MICAL2: variants seen among roughly 807,000 people sequenced by gnomAD.
MICAL2 encodes microtubule associated monooxygenase, calponin and LIM domain containing 2.
In MICAL2, 77 loss-of-function variants were observed where a neutral mutation model predicts 127.3. The ratio of observed to expected loss-of-function variants is 0.60; its 90% CI spans 0.50 to 0.73. The LOEUF (loss-of-function observed/expected upper bound fraction) is 0.73, where lower values mean the gene tolerates loss of function less well. Ranked by LOEUF, MICAL2 falls within the 30% of genes least tolerant of loss-of-function variation. MICAL2 has a pLI of 0.00. For synonymous variants in MICAL2, 570 were observed against 551.1 expected, an observed-to-expected ratio of 1.03 and a Z score of -0.48; for missense variants, 1,351 against 1,434.4, an observed-to-expected ratio of 0.94 and a Z score of 0.94.
intron 32 of MICAL2, among the ~76,000 whole-genome samples, chr11:12,327,988 C>T (rs561731746): frequency 6.6e-6 from 1 of 152,294 alleles, no homozygotes; most frequent in African/African-American, 2.4e-5. Flanking sequence ...ATTTTCTCAT[C>T]TAAAATGGGG....
chr11:12,124,958 G>GTT (rs1850795721), intron 1 of MICAL2, among the ~76,000 whole-genome samples: 1 of 152,192 alleles, frequency 6.6e-6, no homozygotes, highest in Non-Finnish European at 1.5e-5. Context: ...TTCCACCATT[G>GTT]TTGTGGGAAT....
At chr11:12,179,841 G>GA (rs1214473247) in intron 3 of MICAL2, among the ~76,000 whole-genome samples, 4 of 152,372 alleles carry the variant, frequency 2.6e-5, no homozygotes, top group African/African-American at 9.6e-5. Flanking sequence ...AGCCTTTTCA[G>GA]AAAATCTAGC....
At chr11:12,256,692 A>G (rs1183509749) in intron 23 of MICAL2, 93 bp from the exon 24 acceptor site, 5 of 1,232,294 alleles carry the variant, frequency 4.1e-6, no homozygotes, top group African/African-American at 1.5e-5. Context: ...CGAGGTCCCC[A>G]GCATTCAGTG....
chr11:12,220,531 T>G (rs553693163), intron 9 of MICAL2, 73 bp downstream of exon 9: 526 of 1,552,586 alleles, frequency 3.4e-4, no homozygotes, highest in African/African-American at 2.1e-3. Flanking sequence ...GCAGGCAGTA[T>G]CTGCTGTTGT....
intron 6 of MICAL2, among the ~76,000 whole-genome samples, chr11:12,211,303 C>T (rs942377601): frequency 1.3e-5 from 2 of 152,132 alleles, no homozygotes; most frequent in Admixed American, 6.5e-5. Flanking sequence ...ATTGCTTGAA[C>T]ACAGGAGGTG....
intron 8 of MICAL2, among the ~76,000 whole-genome samples, chr11:12,217,193 G>A (rs553027589): frequency 3.9e-5 from 6 of 152,288 alleles, no homozygotes; most frequent in African/African-American, 1.4e-4. Flanking sequence ...GGATCACACT[G>A]CCCAAGTTCA....
chr11:12,331,955 C>T (rs547236924), intron 32 of MICAL2, among the ~76,000 whole-genome samples: 58 of 152,244 alleles, frequency 3.8e-4, no homozygotes, highest in African/African-American at 1.4e-3. Context: ...ACTATACTCC[C>T]TACAAGAGAT....
intron 2 of MICAL2, 52 bp from the exon 3 acceptor site, chr11:12,162,027 C>A: frequency 1.6e-6 from 2 of 1,279,770 alleles, no homozygotes. Context: ...ACCCATCCCC[C>A]ACCCTAACCT....
chr11:12,254,961 C>T (rs1862130032), intron 22 of MICAL2: 1 of 114,492 alleles, frequency 8.7e-6, no homozygotes, highest in Non-Finnish European at 1.7e-5. Context: ...TCTTGTTGCT[C>T]AGGCTGGAGT....
intron 3 of MICAL2, among the ~76,000 whole-genome samples, chr11:12,189,937 C>G (rs1858865251): frequency 6.6e-6 from 1 of 152,254 alleles, no homozygotes; most frequent in Non-Finnish European, 1.5e-5. Flanking sequence ...TTGTGGGCAT[C>G]TATCATACAG....
chr11:12,199,605 G>T (rs1336934668), intron 3 of MICAL2, among the ~76,000 whole-genome samples: 2 of 152,168 alleles, frequency 1.3e-5, no homozygotes, highest in Non-Finnish European at 2.9e-5. Flanking sequence ...GCTGGTGAGA[G>T]GGGCGGCTGG....
chr11:12,258,854 A>G (rs1399707938), intron 25 of MICAL2, among the ~76,000 whole-genome samples: 4 of 152,234 alleles, frequency 2.6e-5, no homozygotes, highest in African/African-American at 4.8e-5. Flanking sequence ...TTAGCCACAC[A>G]AAAGCCACAT....
chr11:12,284,006 A>C (rs956523939), intron 2 of MICAL2, among the ~76,000 whole-genome samples: 10 of 152,070 alleles, frequency 6.6e-5, no homozygotes, highest in African/African-American at 2.4e-4. Flanking sequence ...AAGCATCCCC[A>C]GGGGCTTTGA....
chr11:12,360,459 A>G (rs1463578071), downstream of MICAL2, among the ~76,000 whole-genome samples: 2 of 152,160 alleles, frequency 1.3e-5, no homozygotes, highest in Non-Finnish European at 2.9e-5. Context: ...CAAGAATATC[A>G]ACTCATTATA....
At chr11:12,300,995 G>T (rs938247799) in intron 29 of MICAL2, among the ~76,000 whole-genome samples, 1 of 152,176 alleles carries the variant, frequency 6.6e-6, no homozygotes, top group Non-Finnish European at 1.5e-5. Flanking sequence ...AGAAAATGAG[G>T]TTTAATTGGA....
chr11:12,115,745 A>T (rs951111695), intron 1 of MICAL2, among the ~76,000 whole-genome samples: 1 of 152,192 alleles, frequency 6.6e-6, no homozygotes, highest in African/African-American at 2.4e-5. Flanking sequence ...TTTTTGTAGG[A>T]CAAATATTTT....
intron 8 of MICAL2, among the ~76,000 whole-genome samples, chr11:12,218,367 C>G (rs1027807048): frequency 3.3e-5 from 5 of 152,276 alleles, no homozygotes; most frequent in South Asian, 2.1e-4. Flanking sequence ...TCCATCCCCC[C>G]ACTCATCTGG....
chr11:12,350,366 G>A (rs1939025120), intron 33 of MICAL2, among the ~76,000 whole-genome samples: 1 of 152,224 alleles, frequency 6.6e-6, no homozygotes, highest in East Asian at 1.9e-4. Context: ...ACTGAGTTCT[G>A]TCTGGCTGTC....
chr11:12,317,231 C>A (rs1864242550), intron 29 of MICAL2, among the ~76,000 whole-genome samples: 1 of 152,138 alleles, frequency 6.6e-6, no homozygotes, highest in Non-Finnish European at 1.5e-5. Context: ...ATCTGTTATG[C>A]TTTATTTAGT....
Sources: allele counts gnomAD v4.1 joint callset (sites outside exome capture counted in the v4.1 genomes callset), GRCh38; gene constraint gnomAD v4.1.1; transcripts MANE v1.5; gene names NCBI Gene and HGNC (gene_info 2026-07-23, HGNC 2026-07-21).